Variants in PRG4 observed in about 807,000 individuals in gnomAD.
The protein encoded by PRG4 is articular superficial zone protein.
Under a neutral mutation model 91.2 loss-of-function variants are expected in PRG4, and 61 were observed. The observed-to-expected ratio is 0.67, with a 90% CI of 0.54 to 0.83. PRG4 has a LOEUF of 0.83. Ranked by LOEUF, PRG4 falls within the 40% of genes least tolerant of loss-of-function variation. The pLI, the probability that PRG4 is intolerant of heterozygous loss-of-function variation, is 0.00. For synonymous variants in PRG4, 576 were observed against 614.2 expected (o/e 0.94, Z 0.92); for missense variants, 1,564 against 1,714.2 (o/e 0.91, Z 1.55).
intron 3 of PRG4, 132 bp downstream of exon 3, chr1:186,300,345 T>C: frequency 8.4e-7 from 1 of 1,193,354 alleles, no homozygotes; most frequent in Non-Finnish European, 1.2e-6. Flanking sequence ...TTTCCCACTG[T>C]ATCACTTCCT....
Position 186,314,054 on chromosome 1 carries a change from A to C in PRG4, c.*276A>C, listed in dbSNP as rs571551898. The C allele has an allele frequency of 1.9e-6, 3 of 1,600,068 alleles. No homozygotes were observed. The highest frequency in any genetic ancestry group is 2.6e-6 in the Non-Finnish European group (3 of 1,173,844). ...GTAAAAGAAAAAAGAATCAAATTGAATATATCTTTTAAGAATTCAAAACTA... is the reference window on the plus strand; with the variant it reads ...GTAAAAGAAAAAAGAATCAAATTGACTATATCTTTTAAGAATTCAAAACTA... On this transcript the variant is annotated 3_prime_UTR_variant, in exon 13 of 13. Coordinates refer to ENST00000445192, the MANE Select transcript of PRG4 (RefSeq NM_005807.6).
chr1:186,312,008 AATT>A, intron 10 of PRG4, 164 bp from the exon 11 acceptor site: 4 of 604,730 alleles, frequency 6.6e-6, no homozygotes, highest in Middle Eastern at 4.5e-4. Flanking sequence ...TCAGTTTAAT[AATT>A]ATTTTTATAA....
At position 186,304,863 on chromosome 1, in the gene PRG4, G is replaced by A. The variant is rs137935651; in HGVS notation, c.539G>A (p.Arg180Gln). The A allele has an allele frequency of 2.7e-5, 44 of 1,612,506 alleles. No individual in the cohort carries two copies. Among genetic ancestry groups the A allele is most frequent in the South Asian group, 5.5e-5 (5 of 91,030 alleles). Reference protein sequence around the residue: ...SSSSSSSSTIRKIKSSKNSAA... With the variant: ...SSSSSSSSTIQKIKSSKNSAA... ...TCTTCCTCTTCTTCTTCAACAATTCGGAAAATCAAGTCTTCCAAAAATTCA... is the reference window on the plus strand; with the variant it reads ...TCTTCCTCTTCTTCTTCAACAATTCAGAAAATCAAGTCTTCCAAAAATTCA... Residue 180 changes from arginine (R) to glutamine (Q), a missense_variant, in exon 6 of 13, where the codon CGG becomes CAG. Arg to Gln is a conservative substitution (Grantham distance 43, BLOSUM62 1). Coordinates refer to ENST00000445192, the MANE Select transcript of PRG4 (RefSeq NM_005807.6).
rs1656506877 is a variant in PRG4 at position 186,305,659 on chromosome 1, A to C, written c.599-659A>C. 2.0e-5 allele frequency among the ~76,000 whole-genome samples: 3 copies of C among 152,218 alleles called. No homozygotes were observed. The South Asian group carries it at 6.2e-4, about 32-fold the overall frequency. ...GCATTTAATCTTTTAGTCACCCAGA[A>C]AATCGTGCAGGAAGCCACCCTTGGG... On this transcript the variant is annotated intron_variant, in intron 6 of 12. Transcript: ENST00000445192.
intron 8 of PRG4, among the ~76,000 whole-genome samples, chr1:186,310,091 G>GT (rs1657068355): frequency 8.1e-6 from 1 of 123,180 alleles, no homozygotes; most frequent in African/African-American, 3.1e-5. Context: ...ATACTACTGA[G>GT]GTTTTTTCCT....
Position 186,308,968 on chromosome 1 carries a change from A to AAACT in PRG4, c.3250_3253dup (p.Ser1085Ter). 1 of 1,607,382 alleles carries AAACT rather than the reference A, an allele frequency of 6.2e-7. No homozygotes were observed. The highest frequency in any genetic ancestry group is 8.5e-7 in the Non-Finnish European group (1 of 1,176,852). On this transcript the variant is annotated frameshift_variant, in exon 7 of 13. Transcript: ENST00000445192. LOFTEE classifies it high-confidence loss of function. Reference sequence around the variant, plus strand: ...CCACCACCAGACCTAACCAAACTCCAAACTCCAAACTAGTTGAAGTAAATC... The same window carrying AAACT: ...CCACCACCAGACCTAACCAAACTCCAAACTAACTCCAAACTAGTTGAAGTAAATC...
chr1:186,302,940 A>T (rs1656314936), intron 4 of PRG4, among the ~76,000 whole-genome samples: 1 of 152,174 alleles, frequency 6.6e-6, no homozygotes, highest in African/African-American at 2.4e-5. Context: ...ACTCTGAAAA[A>T]AAAATGATGA....
chr1:186,301,286 T>C (rs1656199698), intron 3 of PRG4, among the ~76,000 whole-genome samples: 1 of 152,226 alleles, frequency 6.6e-6, no homozygotes, highest in Admixed American at 6.5e-5. Flanking sequence ...TATCTCACTA[T>C]CTAGACATTT....
At position 186,306,584 on chromosome 1, in the gene PRG4, A is replaced by G; in HGVS notation, c.865A>G (p.Thr289Ala). ...NKETTVETKE[T>A]TTTNKQTSTD... ...AGAGACAACAGTTGAAACTAAAGAA[A>G]CTACTACAACAAATAAACAGACTTC... is the stretch of plus-strand genomic sequence containing the variant. The change falls in exon 7 of 13, where the codon ACT (threonine) becomes GCT (alanine). Residue 289 changes from threonine to alanine, a missense_variant. This residue lies in a region of PRG4 where 437 missense variants were observed against 459.0 expected (regional missense o/e 0.95). Coordinates refer to ENST00000445192, the MANE Select transcript of PRG4 (RefSeq NM_005807.6). 6.2e-7 allele frequency: 1 copy of G among 1,611,312 alleles called. No individual in the cohort carries two copies. The highest frequency in any genetic ancestry group is 1.1e-5 in the South Asian group (1 of 91,066).
chr1:186,304,085 T>C lies in PRG4; in HGVS notation c.320-23T>C, dbSNP rs748867972. ...TGATGAACATAAACAAGATGTTAAC[T>C]GACTTGTCTTACTTGGCCTCAGTGC... On this transcript the variant is annotated intron_variant, in intron 4 of 12. Transcript: ENST00000445192. 1.1e-5 allele frequency: 18 copies of C among 1,613,022 alleles called. No individual in the cohort carries two copies. In the South Asian group the frequency reaches 1.9e-4, roughly 17 times the overall value.
At chr1:186,313,148 C>A (rs1468914729) in intron 12 of PRG4, 59 of 501,122 alleles carry the variant, frequency 1.2e-4, no homozygotes, top group South Asian at 1.1e-3. Context: ...TTGCTACTGA[C>A]AATAGTATTT....
chr1:186,312,444 C>T (rs1015004675), intron 11 of PRG4, 72 bp downstream of exon 11: 2 of 1,361,962 alleles, frequency 1.5e-6, no homozygotes, highest in East Asian at 4.6e-5. Flanking sequence ...TACAGTAAGG[C>T]TTATGAAATA....
intron 2 of PRG4, 150 bp from the exon 3 acceptor site, chr1:186,299,941 A>G (rs1656090278): frequency 1.2e-6 from 1 of 864,892 alleles, no homozygotes; most frequent in African/African-American, 1.7e-5. Flanking sequence ...ACATCAGCCA[A>G]ATATCAGCTG....
At chr1:186,311,776 T>G in intron 10 of PRG4, 180 bp downstream of exon 10, 1 of 679,504 alleles carries the variant, frequency 1.5e-6, no homozygotes, top group Non-Finnish European at 2.4e-6. Flanking sequence ...TTTTCATTTC[T>G]TCACAGGCAA....
intron 2 of PRG4, among the ~76,000 whole-genome samples, chr1:186,298,321 G>T (rs533412108): frequency 1.2e-4 from 18 of 152,232 alleles, no homozygotes; most frequent in Admixed American, 9.8e-4. Context: ...GGTGGAGGTT[G>T]CATTAAGCTG....
intron 2 of PRG4, among the ~76,000 whole-genome samples, chr1:186,297,362 CTT>C (rs1300853674): frequency 2.0e-5 from 3 of 152,114 alleles, no homozygotes; most frequent in Non-Finnish European, 2.9e-5. Flanking sequence ...TGATAAATAA[CTT>C]ATTTTGGCAT....
intron 3 of PRG4, 92 bp downstream of exon 3, chr1:186,300,305 GC>G (rs1656122721): frequency 6.5e-7 from 1 of 1,536,378 alleles, no homozygotes; most frequent in Non-Finnish European, 9.0e-7. Flanking sequence ...GTGAGACTGA[GC>G]CTCCCCTTGC....
chr1:186,301,631 G>C lies in PRG4; in HGVS notation c.239G>C (p.Arg80Thr). Reference sequence around the variant, plus strand: ...GGCCGCTGCTTTGAGTCCTTCGAGAGAGGGAGGGAGTGTGACTGCGACGCC... The same window carrying C: ...GGCCGCTGCTTTGAGTCCTTCGAGACAGGGAGGGAGTGTGACTGCGACGCC... The part of the protein sequence containing the change: ...CKGRCFESFE[R>T]GRECDCDAQC... Residue 80 changes from arginine (R) to threonine (T), a missense_variant, in exon 4 of 13, where the codon AGA becomes ACA. Around this residue, in one of 3 missense-constraint regions of PRG4, gnomAD observed 437 missense variants for 459.0 expected, o/e 0.95. Coordinates refer to ENST00000445192, the MANE Select transcript of PRG4 (RefSeq NM_005807.6). The C allele has an allele frequency of 6.2e-7, 1 of 1,614,012 alleles. No homozygotes were observed. Among genetic ancestry groups the C allele is most frequent in the South Asian group, 1.1e-5 (1 of 91,070 alleles).
At chr1:186,303,405 G>C (rs1656344436) in intron 4 of PRG4, among the ~76,000 whole-genome samples, 1 of 149,918 alleles carries the variant, frequency 6.7e-6, no homozygotes, top group African/African-American at 2.5e-5. Context: ...TGTACCCAGA[G>C]AGTCCCCAGT....
Sources: gnomAD v4.1 joint callset for allele counts (sites outside exome capture counted in the v4.1 genomes callset) on GRCh38, gnomAD v4.1.1 for gene constraint, gnomAD v4.1.1 regional missense constraint, MANE v1.5 for transcripts, NCBI Gene and HGNC (gene_info 2026-07-23, HGNC 2026-07-21) for gene names.